ZPBP: variants seen among roughly 807,000 people sequenced by gnomAD.
ZPBP encodes zona pellucida-binding protein 1.
A neutral mutation model predicts 44.8 loss-of-function variants in ZPBP; 26 were observed. The ratio of observed to expected loss-of-function variants is 0.58; its 90% confidence interval spans 0.43 to 0.81. ZPBP has a LOEUF of 0.81. Among genes scored for constraint, ZPBP ranks in the 30% least tolerant of loss-of-function variants. The pLI is 0.00. For missense variants in ZPBP, 409 were observed against 434.0 expected, an observed-to-expected ratio of 0.94 and a Z score of 0.51; for synonymous variants, 174 against 153.2, an observed-to-expected ratio of 1.14 and a Z score of -1.00.
intron 5 of ZPBP, among the ~76,000 whole-genome samples, chr7:50,019,939 A>G (rs1403306707): frequency 6.6e-6 from 1 of 152,054 alleles, no homozygotes; most frequent in Non-Finnish European, 1.5e-5. Context: ...AGGCCCAAGA[A>G]AAGTTAAATC....
Position 50,058,137 on chromosome 7 carries a change from T to C in ZPBP, c.339A>G (p.Glu113=), listed in dbSNP as rs1447499631. The C allele has an allele frequency of 2.5e-6, 4 of 1,613,598 alleles. No homozygotes were observed. The Admixed American group carries it at 5.0e-5, about 20-fold the overall frequency. Residue 113 remains glutamate, a synonymous_variant, in exon 4 of 8, where the codon GAA becomes GAG. Transcript: ENST00000046087. ...TGGATGTTATTTGTGCAGTGCGGTT[T>C]TCTACTAAAGGAATAAGATACAGTT... ...YGPKGKVVSV[E]NRTAQITSTG...
chr7:50,088,122 C>T (rs1802763750), intron 2 of ZPBP, among the ~76,000 whole-genome samples: 1 of 152,026 alleles, frequency 6.6e-6, no homozygotes, highest in South Asian at 2.1e-4. Flanking sequence ...AAAATAAACC[C>T]ATACATCTGG....
At chr7:50,012,037 GAA>G (rs1176997476) in intron 6 of ZPBP, among the ~76,000 whole-genome samples, 2 of 86,502 alleles carry the variant, frequency 2.3e-5, no homozygotes, top group African/African-American at 4.0e-5. Context: ...TCTCAAAAAA[GAA>G]AAAAAAAAAA....
At chr7:49,942,782 G>T in intron 7 of ZPBP, 1 of 156,724 alleles carries the variant, frequency 6.4e-6, no homozygotes. Flanking sequence ...ATCCACAGGA[G>T]CGAGGTCATC....
At chr7:49,992,971 A>G (rs879525277) in intron 6 of ZPBP, among the ~76,000 whole-genome samples, 3 of 152,202 alleles carry the variant, frequency 2.0e-5, no homozygotes, top group Admixed American at 2.0e-4. Flanking sequence ...AAATACTAGA[A>G]ACTAAAACAG....
chr7:49,903,487 A>G (rs1403768594), intron 1 of ZPBP, among the ~76,000 whole-genome samples: 5 of 152,220 alleles, frequency 3.3e-5, no homozygotes, highest in African/African-American at 9.6e-5. Context: ...CCAATCCCAA[A>G]GCCCACTTTT....
rs28804180 is a variant in ZPBP, at chr7:49,900,039, C to T, written n.509+1079G>A. ...AAGATACCTGGAAAGTCCCCAAATACTTGAATGTTAAACAATAAACTTATA... is the reference window on the plus strand; with the variant it reads ...AAGATACCTGGAAAGTCCCCAAATATTTGAATGTTAAACAATAAACTTATA... On this transcript the variant is annotated intron_variant and non_coding_transcript_variant, in intron 2 of 2. Coordinates refer to the ZPBP transcript ENST00000465922. Among the ~76,000 whole-genome samples, 813 of 151,820 alleles carry T rather than the reference C, an allele frequency of 5.4e-3. 8 individuals carry two copies. Among genetic ancestry groups the T allele is most frequent in the African/African-American group, 0.018 (756 of 41,492 alleles).
chr7:49,982,987 A>C (rs1246174717), intron 7 of ZPBP, among the ~76,000 whole-genome samples: 1 of 152,068 alleles, frequency 6.6e-6, no homozygotes, highest in Non-Finnish European at 1.5e-5. Flanking sequence ...AAAGATATCT[A>C]CTGTAGACTA....
chr7:49,981,297 TTA>T lies in ZPBP; in HGVS notation c.961+2043_961+2044del, dbSNP rs1179776017. ...TATAATATATATTATATAATATATATTATATATAATTATATATTATATAATAT... is the reference window on the plus strand; with the variant it reads ...TATAATATATATTATATAATATATATTATATAATTATATATTATATAATAT... On this transcript the variant is annotated intron_variant, in intron 7 of 7. Transcript: ENST00000046087. Among the ~76,000 whole-genome samples the T allele has an allele frequency of 2.9e-4, 20 of 69,130 alleles. No individual in the cohort carries two copies. The South Asian group carries it at 5.6e-3, about 19-fold the overall frequency. The allele number at this position is 69,130 out of a possible 152,430, so 45.4% of individuals were successfully genotyped here. A position where few individuals can be genotyped will look rare whatever the true frequency, so the allele number is the denominator to read the frequency against.
chr7:49,996,634 TGA>T (rs1797863430), intron 6 of ZPBP, among the ~76,000 whole-genome samples: 1 of 152,346 alleles, frequency 6.6e-6, no homozygotes, highest in East Asian at 1.9e-4. Flanking sequence ...CAAGGTGGTC[TGA>T]GTCTGTAAAC....
intron 7 of ZPBP, among the ~76,000 whole-genome samples, chr7:49,971,784 A>C (rs1315337517): frequency 6.6e-6 from 1 of 152,158 alleles, no homozygotes; most frequent in Non-Finnish European, 1.5e-5. Flanking sequence ...CCAAGCCAGG[A>C]AAAGACATTA....
chr7:49,996,894 C>A (rs1254705313), intron 6 of ZPBP, among the ~76,000 whole-genome samples: 1 of 152,180 alleles, frequency 6.6e-6, no homozygotes, highest in South Asian at 2.1e-4. Context: ...GCCCACCTTG[C>A]CTTTGGTGGT....
At chr7:49,860,091 T>C (rs1230965921) in intron 2 of ZPBP, among the ~76,000 whole-genome samples, 2 of 152,182 alleles carry the variant, frequency 1.3e-5, no homozygotes, top group Non-Finnish European at 1.5e-5. Context: ...TTAAGCTTTT[T>C]TAATTGTGGC....
chr7:49,902,563 A>C (rs1792825012), intron 1 of ZPBP, among the ~76,000 whole-genome samples: 2 of 151,716 alleles, frequency 1.3e-5, no homozygotes, highest in African/African-American at 2.4e-5. Flanking sequence ...CCAAAAAAAA[A>C]AAAAAAGAAT....
intron 4 of ZPBP, among the ~76,000 whole-genome samples, chr7:50,044,875 A>T (rs1211071011): frequency 6.6e-6 from 1 of 152,198 alleles, no homozygotes; most frequent in Non-Finnish European, 1.5e-5. Context: ...ATTTCAGGCC[A>T]ATATCCCTGA....
At chr7:50,039,492 TCTA>T (rs1799970615) in intron 4 of ZPBP, among the ~76,000 whole-genome samples, 3 of 152,214 alleles carry the variant, frequency 2.0e-5, no homozygotes, top group Non-Finnish European at 4.4e-5. Context: ...ATGCATTTCT[TCTA>T]CTCTTTTCCC....
intron 4 of ZPBP, among the ~76,000 whole-genome samples, chr7:50,044,862 A>C (rs1476547959): frequency 6.6e-6 from 1 of 152,200 alleles, no homozygotes; most frequent in Non-Finnish European, 1.5e-5. Context: ...ACAAAAAAAG[A>C]ACATTTCAGG....
intron 7 of ZPBP, among the ~76,000 whole-genome samples, chr7:49,953,483 G>A (rs1795440193): frequency 6.6e-6 from 1 of 152,112 alleles, no homozygotes; most frequent in African/African-American, 2.4e-5. Context: ...TGGGAAGGTA[G>A]TAGGAAACAA....
intron 2 of ZPBP, among the ~76,000 whole-genome samples, chr7:49,867,445 G>C (rs1456056199): frequency 6.6e-6 from 1 of 152,170 alleles, no homozygotes; most frequent in African/African-American, 2.4e-5. Context: ...GAGAGGCGGA[G>C]GTGGGCCTCC....
Sources: allele counts gnomAD v4.1 joint callset (sites outside exome capture counted in the v4.1 genomes callset), GRCh38; gene constraint gnomAD v4.1.1; transcripts MANE v1.5; gene names NCBI Gene and HGNC (gene_info 2026-07-23, HGNC 2026-07-21).